SIRPG: variants seen among roughly 807,000 people sequenced by gnomAD.
SIRPG encodes the protein signal-regulatory protein gamma.
Under a neutral mutation model 35.7 loss-of-function variants are expected in SIRPG, and 38 were observed. That is an observed-to-expected ratio of 1.06 (90% CI 0.82 to 1.40). The LOEUF (loss-of-function observed/expected upper bound fraction) is 1.40, where lower values mean the gene tolerates loss of function less well. Among genes scored for constraint, SIRPG ranks in the 40% most tolerant of loss-of-function variants. SIRPG has a pLI of 0.00. For missense variants in SIRPG, 519 were observed against 483.0 expected (o/e 1.07, Z -0.70); for synonymous variants, 215 against 190.4 (o/e 1.13, Z -1.06).
chr20:1,668,516 G>A, the SIRPG span, among the ~76,000 whole-genome samples: 177 of 152,050 alleles, frequency 1.2e-3, 1 homozygote, highest in Admixed American at 1.5e-3. Context: ...TCTCTTGACC[G>A]CATGATCCAA....
intron 1 of SIRPG, among the ~76,000 whole-genome samples, chr20:1,649,668 G>C (rs1186567397): frequency 2.7e-5 from 3 of 112,894 alleles, no homozygotes; most frequent in African/African-American, 1.0e-4. Flanking sequence ...AGAGGGTCCT[G>C]TTCTGTTGCC....
At chr20:1,666,430 CAGA>C in the SIRPG span, 1 of 152,366 alleles carries the variant, frequency 6.6e-6, no homozygotes, top group African/African-American at 2.4e-5. Context: ...TGCTTGAGCC[CAGA>C]AGTTCTGGAT....
chr20:1,674,110 G>A, the SIRPG span, among the ~76,000 whole-genome samples: 1 of 152,214 alleles, frequency 6.6e-6, no homozygotes, highest in African/African-American at 2.4e-5. Flanking sequence ...CTAGGGGGCT[G>A]TGTATTAGAA....
chr20:1,662,416 C>T (rs776951702), upstream of SIRPG, among the ~76,000 whole-genome samples: 4 of 152,150 alleles, frequency 2.6e-5, no homozygotes, highest in African/African-American at 4.8e-5. Flanking sequence ...TCCCAGGACA[C>T]GGAAAGGAAA....
the SIRPG span, among the ~76,000 whole-genome samples, chr20:1,663,350 A>G: frequency 3.7e-4 from 56 of 152,304 alleles, no homozygotes; most frequent in Non-Finnish European, 6.0e-4. Context: ...CGTGACTGAA[A>G]ACTGCAATCC....
Position 1,636,314 on chromosome 20 carries a change from G to A in SIRPG, c.622C>T (p.Arg208Cys), listed in dbSNP as rs534699318. ...PTGQSVAYSIRSTARVVLDPW... is the reference protein window; with the variant it reads ...PTGQSVAYSICSTARVVLDPW... Reference sequence around the variant, plus strand: ...TCCAGTACCACCCTGGCTGTGCTGCGGATGCTGTAGGCCACACTCTGTCCT... The same window carrying A: ...TCCAGTACCACCCTGGCTGTGCTGCAGATGCTGTAGGCCACACTCTGTCCT... The change falls in exon 3 of 6, where the codon CGC (arginine) becomes TGC (cysteine). Residue 208 changes from arginine (R) to cysteine (C), a missense_variant. Physicochemically the swap from Arg to Cys is radical, Grantham distance 180 (BLOSUM62 -3). Transcript: ENST00000303415. The A allele has an allele frequency of 6.9e-5, 111 of 1,614,212 alleles. No individual in the cohort carries two copies. Among genetic ancestry groups the A allele is most frequent in the South Asian group, 2.6e-4 (24 of 91,086 alleles).
At chr20:1,640,047 G>A (rs949204927) in intron 2 of SIRPG, among the ~76,000 whole-genome samples, 2 of 152,174 alleles carry the variant, frequency 1.3e-5, no homozygotes, top group African/African-American at 4.8e-5. Context: ...TTTGAAGTCA[G>A]GTAGCGTGAT....
the SIRPG span, among the ~76,000 whole-genome samples, chr20:1,673,465 T>C: frequency 2.8e-3 from 423 of 152,234 alleles, 3 homozygotes; most frequent in African/African-American, 9.1e-3. Flanking sequence ...TGGCATGTCG[T>C]AGGTGCTTAA....
chr20:1,677,638 T>C, the SIRPG span, among the ~76,000 whole-genome samples: 1 of 152,212 alleles, frequency 6.6e-6, no homozygotes, highest in African/African-American at 2.4e-5. Flanking sequence ...CTTGGTGTGT[T>C]ACAACAAAAG....
chr20:1,654,937 A>G (rs1281232285), intron 1 of SIRPG, among the ~76,000 whole-genome samples: 1 of 152,180 alleles, frequency 6.6e-6, no homozygotes, highest in Non-Finnish European at 1.5e-5. Flanking sequence ...AAAAAATCCA[A>G]CCTTACTATT....
At chr20:1,658,747 G>C (rs928696436), upstream of SIRPG, among the ~76,000 whole-genome samples, 33 of 152,180 alleles carry the variant, frequency 2.2e-4, no homozygotes, top group African/African-American at 8.0e-4. Context: ...CACGGTGCCA[G>C]GTGAAGTGCG....
chr20:1,659,308 CA>C, upstream of SIRPG, among the ~76,000 whole-genome samples: 1 of 152,326 alleles, frequency 6.6e-6, no homozygotes, highest in South Asian at 2.1e-4. Context: ...ATTGTCAAAT[CA>C]AATTGTAAAT....
At chr20:1,662,649 T>C (rs990430429), upstream of SIRPG, among the ~76,000 whole-genome samples, 1 of 152,262 alleles carries the variant, frequency 6.6e-6, no homozygotes. Flanking sequence ...CAGTTTCTAA[T>C]ACTTTGACAA....
chr20:1,679,742 G>A, the SIRPG span, among the ~76,000 whole-genome samples: 605 of 152,256 alleles, frequency 4.0e-3, 3 homozygotes, highest in African/African-American at 0.013. Flanking sequence ...TAATGGCAAT[G>A]AGAATGGGAT....
rs2091789172 is a variant in SIRPG at position 1,635,366 on chromosome 20, T to C, written c.982A>G (p.Thr328Ala). Reference protein sequence around the residue: ...ISDQRDDVVLTCQVKHDGQLA... With the variant: ...ISDQRDDVVLACQVKHDGQLA... The stretch of plus-strand genomic sequence containing the variant: ...TGCCCATCATGCTTCACCTGGCAGG[T>C]GAGGACCACATCATCCCTTTGGTCA... Residue 328 changes from threonine (T) to alanine (A), a missense_variant, in exon 4 of 6, where the codon ACC (threonine) becomes GCC (alanine). Thr to Ala is a moderately conservative substitution (Grantham distance 58). Coordinates refer to ENST00000303415, the MANE Select transcript of SIRPG (RefSeq NM_018556.4). The C allele has an allele frequency of 1.2e-6, 2 of 1,614,170 alleles. No individual in the cohort carries two copies. Among genetic ancestry groups the C allele is most frequent in the Admixed American group, 1.7e-5 (1 of 60,026 alleles).
chr20:1,635,021 C>A (rs559770854), intron 4 of SIRPG, among the ~76,000 whole-genome samples: 1 of 148,944 alleles, frequency 6.7e-6, no homozygotes, highest in Admixed American at 6.7e-5. Context: ...CCAGTCTGGG[C>A]GACAGAGCCA....
chr20:1,634,898 T>G (rs6043405), intron 4 of SIRPG, among the ~76,000 whole-genome samples: 2 of 150,830 alleles, frequency 1.3e-5, no homozygotes, highest in Non-Finnish European at 3.0e-5. Context: ...AAAAAATTAG[T>G]CGGGCGTGGT....
At chr20:1,634,169 C>A (rs549490813) in intron 4 of SIRPG, among the ~76,000 whole-genome samples, 1 of 150,646 alleles carries the variant, frequency 6.6e-6, no homozygotes, top group African/African-American at 2.4e-5. Flanking sequence ...AGAAGAGGTC[C>A]GTTCTGTGAC....
At chr20:1,646,149 C>G (rs1235707738) in intron 2 of SIRPG, 2 of 152,210 alleles carry the variant, frequency 1.3e-5, no homozygotes, top group East Asian at 3.8e-4. Context: ...TCCCACCAAG[C>G]ATTCATGTCC....
Sources: allele counts gnomAD v4.1 joint callset (sites outside exome capture counted in the v4.1 genomes callset), GRCh38; gene constraint gnomAD v4.1.1; transcripts MANE v1.5; gene names NCBI Gene and HGNC (gene_info 2026-07-23, HGNC 2026-07-21).